GON7: variants seen among roughly 807,000 people sequenced by gnomAD.
GON7 encodes the protein EKC/KEOPS complex subunit GON7.
In GON7, 2 loss-of-function variants were observed where a neutral mutation model predicts 7.6. That is an observed-to-expected ratio of 0.26 (90% CI 0.11 to 0.83). The LOEUF (loss-of-function observed/expected upper bound fraction) is 0.83. Ranked by LOEUF, GON7 falls within the 40% of genes least tolerant of loss-of-function variation. The probability of loss-of-function intolerance (pLI) is 0.65; values close to 1 mark genes in which losing one functional copy is unlikely to be tolerated. For synonymous variants in GON7, 54 were observed against 56.6 expected, an observed-to-expected ratio of 0.95 and a Z score of 0.20; for missense variants, 121 against 132.2, an observed-to-expected ratio of 0.92 and a Z score of 0.42.
chr14:93,204,460 T>C (rs971283320), intron 1 of GON7, among the ~76,000 whole-genome samples: 2 of 152,296 alleles, frequency 1.3e-5, no homozygotes, highest in Non-Finnish European at 2.9e-5. Flanking sequence ...TCTACTTTTT[T>C]TCCCCCTTAT....
chr14:93,205,918 C>A (rs1051367044), intron 1 of GON7, among the ~76,000 whole-genome samples: 2 of 152,332 alleles, frequency 1.3e-5, no homozygotes, highest in Admixed American at 6.5e-5. Context: ...TTATTCAACA[C>A]CCAGCTCAAA....
chr14:93,203,700 T>A lies in GON7; in HGVS notation c.291A>T (p.Lys97Asn). ...NFDGPSAKRP[K>N]TPS Reference sequence around the variant, plus strand: ...ATGAAGGCTATTGTTAAGACGGTGTTTTTGGCCGTTTTGCAGATGGTCCAT... The same window carrying A: ...ATGAAGGCTATTGTTAAGACGGTGTATTTGGCCGTTTTGCAGATGGTCCAT... Residue 97 changes from lysine to asparagine, a missense_variant, in exon 2 of 2, where the codon AAA becomes AAT. Coordinates refer to ENST00000306954, the MANE Select transcript of GON7 (RefSeq NM_032490.5). The A allele has an allele frequency of 6.2e-7, 1 of 1,614,008 alleles. No individual in the cohort carries two copies. Among genetic ancestry groups the A allele is most frequent in the Non-Finnish European group, 8.5e-7 (1 of 1,179,908 alleles).
At chr14:93,203,822 T>A in intron 1 of GON7, 40 bp from the exon 2 acceptor site, 1 of 1,512,594 alleles carries the variant, frequency 6.6e-7, no homozygotes, top group Non-Finnish European at 9.2e-7. Context: ...ATACGTTCTA[T>A]GGCTGAAAGA....
chr14:93,203,557 C>T lies in GON7; in HGVS notation c.*131G>A, dbSNP rs968111995. The T allele has an allele frequency of 5.2e-5, 35 of 668,168 alleles. No individual in the cohort carries two copies. The East Asian group carries it at 9.6e-4, about 18-fold the overall frequency. 41.4% of individuals were successfully genotyped at this position (668,168 alleles called of 1,614,324 possible). A position where few individuals can be genotyped will look rare whatever the true frequency, so the allele number is the denominator to read the frequency against. ...TGCTAGAAACAGAAAAACCAGTTTTCTCTTTGACAAAATTGTCCCAGGAGA... is the reference window on the plus strand; with the variant it reads ...TGCTAGAAACAGAAAAACCAGTTTTTTCTTTGACAAAATTGTCCCAGGAGA... On this transcript the variant is annotated 3_prime_UTR_variant, in exon 2 of 2. Coordinates refer to ENST00000306954, the MANE Select transcript of GON7 (RefSeq NM_032490.5).
In GON7 at chr14:93,202,897, T is replaced by G. The variant is rs1335716213; in HGVS notation, c.*791A>C. On this transcript the variant is annotated 3_prime_UTR_variant, in exon 2 of 2. Coordinates refer to ENST00000306954, the MANE Select transcript of GON7 (RefSeq NM_032490.5). ...AAAAGAAACACACACACATACATAT[T>G]TTAGGAATATATATTTTTAAAAGGA... 6.6e-6 allele frequency: 1 copy of G among 152,186 alleles called. No homozygotes were observed. The highest frequency in any genetic ancestry group is 1.5e-5 in the Non-Finnish European group (1 of 68,040). The allele number at this position is 152,186 out of a possible 1,614,324, so 9.4% of individuals were successfully genotyped here.
rs371314239 is a variant in GON7 at position 93,206,807 on chromosome 14, T to C, written c.208+23A>G. 11 of 1,608,154 alleles carry C rather than the reference T, an allele frequency of 6.8e-6. No individual in the cohort carries two copies. In the East Asian group the frequency reaches 9.0e-5, roughly 13 times the overall value. On this transcript the variant is annotated intron_variant, in intron 1 of 1. Transcript: ENST00000306954. ...GGCGCCCGCCCCGTCCTCCGGTCAC[T>C]GCAGCACCGTCTCAGAGCTCACCGT...
chr14:93,203,567 A>G lies in GON7; in HGVS notation c.*121T>C, dbSNP rs1894288940. 11 of 744,576 alleles carry G rather than the reference A, an allele frequency of 1.5e-5. No individual in the cohort carries two copies. The East Asian group carries it at 2.9e-4, about 20-fold the overall frequency. 46.1% of individuals were successfully genotyped at this position (744,576 alleles called of 1,614,324 possible). Reference sequence around the variant, plus strand: ...AGAAAAACCAGTTTTCTCTTTGACAAAATTGTCCCAGGAGAACAACACAAA... The same window carrying G: ...AGAAAAACCAGTTTTCTCTTTGACAGAATTGTCCCAGGAGAACAACACAAA... On this transcript the variant is annotated 3_prime_UTR_variant, in exon 2 of 2. Transcript: ENST00000306954.
rs945987726 is a variant in GON7 at position 93,205,561 on chromosome 14, G to A, written c.208+1269C>T. On this transcript the variant is annotated intron_variant, in intron 1 of 1. Coordinates refer to ENST00000306954, the MANE Select transcript of GON7 (RefSeq NM_032490.5). ...GGGTGCCTGTAATCCCAGTTACTCC[G>A]GAGGCTGAGACAGGAGAATCGCTTG... Among the ~76,000 whole-genome samples the A allele has an allele frequency of 4.6e-5, 7 of 151,928 alleles. No individual in the cohort carries two copies. In the East Asian group the frequency reaches 7.7e-4, roughly 17 times the overall value.
In GON7 at chr14:93,203,743, T is replaced by C. The variant is rs1054743933; in HGVS notation, c.248A>G (p.Asp83Gly). 1 of 1,614,068 alleles carries C rather than the reference T, an allele frequency of 6.2e-7. No homozygotes were observed. Among genetic ancestry groups the C allele is most frequent in the African/African-American group, 1.3e-5 (1 of 75,068 alleles). ...TGGTCCATCGAAGTTAGTTCTGTTA[T>C]CAATGTTATTTTCATCTTCTGCATC... ...EDDAEDENNI[D>G]NRTNFDGPSA... Residue 83 changes from aspartate to glycine, a missense_variant, in exon 2 of 2, where the codon GAT becomes GGT. Asp to Gly is a moderately conservative substitution (Grantham distance 94). Coordinates refer to ENST00000306954, the MANE Select transcript of GON7 (RefSeq NM_032490.5).
intron 1 of GON7, 22 bp downstream of exon 1, chr14:93,206,808 G>A (rs1419962912): frequency 6.2e-7 from 1 of 1,608,096 alleles, no homozygotes; most frequent in Non-Finnish European, 8.5e-7. Flanking sequence ...TCCGGTCACT[G>A]CAGCACCGTC....
intron 1 of GON7, among the ~76,000 whole-genome samples, chr14:93,206,011 TTTC>T (rs1462806657): frequency 2.0e-5 from 3 of 152,144 alleles, no homozygotes; most frequent in Non-Finnish European, 4.4e-5. Flanking sequence ...TCACTTTTTT[TTTC>T]TTTTTTTTTG....
rs781044407 is a variant in GON7, at chr14:93,203,635, A to G, written c.*53T>C. ...AGCATAAGTCTTCCTTAAATGTCCT[A>G]GTGTGACAATAAGGATACAACAGCC... is the stretch of plus-strand genomic sequence containing the variant. On this transcript the variant is annotated 3_prime_UTR_variant, in exon 2 of 2. Transcript: ENST00000306954. 1.4e-6 allele frequency: 2 copies of G among 1,416,700 alleles called. No homozygotes were observed. The highest frequency in any genetic ancestry group is 2.0e-6 in the Non-Finnish European group (2 of 1,002,024). The allele number at this position is 1,416,700 out of a possible 1,614,324, so 87.8% of individuals were successfully genotyped here.
intron 1 of GON7, among the ~76,000 whole-genome samples, chr14:93,205,432 G>T (rs992547043): frequency 6.6e-6 from 1 of 152,208 alleles, no homozygotes; most frequent in Non-Finnish European, 1.5e-5. Flanking sequence ...CACTCTGGGA[G>T]GCTGAGGCGG....
chr14:93,206,656 G>A (rs1244357232), intron 1 of GON7, among the ~76,000 whole-genome samples, 174 bp downstream of exon 1: 1 of 152,160 alleles, frequency 6.6e-6, no homozygotes, highest in Non-Finnish European at 1.5e-5. Context: ...AAAGTGCTGG[G>A]ATTACAGGCG....
Position 93,205,849 on chromosome 14 carries a change from T to A in GON7, c.208+981A>T, listed in dbSNP as rs148846495. ...CAGTCTTTGGAACCTGTTCCTACTC[T>A]GCGATAGATTGTACTCTTCCAAGTA... On this transcript the variant is annotated intron_variant, in intron 1 of 1. Transcript: ENST00000306954. 1.0e-3 allele frequency among the ~76,000 whole-genome samples: 152 copies of A among 152,310 alleles called. 1 individual carries two copies. Among genetic ancestry groups the A allele is most frequent in the Middle Eastern group, 3.4e-3 (1 of 294 alleles).
At chr14:93,206,747 C>T (rs1447235783) in intron 1 of GON7, 83 bp downstream of exon 1, 4 of 1,364,716 alleles carry the variant, frequency 2.9e-6, no homozygotes, top group African/African-American at 1.5e-5. Flanking sequence ...CCAAGTCTGC[C>T]ACTCTACACG....
Position 93,203,769 on chromosome 14 carries a change from ATCT to A in GON7, c.219_221del (p.Glu73del), listed in dbSNP as rs1381461667. ...CAATGTTATTTTCATCTTCTGCATC[ATCT>A]TCATCATCACCTTTTAAAATAAATA... On this transcript the variant is annotated inframe_deletion, in exon 2 of 2. Transcript: ENST00000306954. 2 of 1,612,964 alleles carry A rather than the reference ATCT, an allele frequency of 1.2e-6. No homozygotes were observed. Among genetic ancestry groups the A allele is most frequent in the Non-Finnish European group, 1.7e-6 (2 of 1,179,294 alleles).
At chr14:93,205,017 G>C (rs1441853144) in intron 1 of GON7, among the ~76,000 whole-genome samples, 1 of 151,624 alleles carries the variant, frequency 6.6e-6, no homozygotes, top group Admixed American at 6.6e-5. Context: ...AAATGCTGCT[G>C]TTATCAACAT....
intron 1 of GON7, among the ~76,000 whole-genome samples, chr14:93,205,021 T>C (rs1399804272): frequency 6.6e-6 from 1 of 152,170 alleles, no homozygotes; most frequent in Non-Finnish European, 1.5e-5. Context: ...GCTGCTGTTA[T>C]CAACATTCAT....
Sources: gnomAD v4.1 joint callset for allele counts (sites outside exome capture counted in the v4.1 genomes callset) on GRCh38, gnomAD v4.1.1 for gene constraint, MANE v1.5 for transcripts, NCBI Gene and HGNC (gene_info 2026-07-23, HGNC 2026-07-21) for gene names.